Variants in ARID2 observed in about 807,000 individuals in gnomAD.
The protein encoded by ARID2 is AT-rich interaction domain 2.
Under a neutral mutation model 184.6 loss-of-function variants are expected in ARID2, and 32 were observed. The observed-to-expected ratio is 0.17, with a 90% CI of 0.13 to 0.23. The LOEUF is 0.23. Among genes scored for constraint, ARID2 ranks in the 10% least tolerant of loss-of-function variants. The probability of loss-of-function intolerance (pLI) is 1.00; values close to 1 mark genes in which losing one functional copy is unlikely to be tolerated. For missense variants in ARID2, 1,696 were observed against 2,197.6 expected, an observed-to-expected ratio of 0.77 and a Z score of 4.56; for synonymous variants, 836 against 772.6, an observed-to-expected ratio of 1.08 and a Z score of -1.36.
chr12:45,885,371 G>A lies in ARID2; in HGVS notation c.4923-6409G>A, dbSNP rs150292474. On this transcript the variant is annotated intron_variant, in intron 16 of 20. Transcript: ENST00000334344. ...TATAGTCTCACATATACATTTATGT[G>A]CATTTATTAACATTTATGTGCCATC... is the stretch of plus-strand genomic sequence containing the variant. 2.6e-4 allele frequency among the ~76,000 whole-genome samples: 39 copies of A among 151,594 alleles called. No homozygotes were observed. In the East Asian group the frequency reaches 7.2e-3, roughly 28 times the overall value.
At chr12:45,738,265 T>A (rs1941169778) in intron 3 of ARID2, among the ~76,000 whole-genome samples, 1 of 152,242 alleles carries the variant, frequency 6.6e-6, no homozygotes, top group South Asian at 2.1e-4. Flanking sequence ...TTGTTTAATG[T>A]CCACCAGCTT....
intron 2 of ARID2, among the ~76,000 whole-genome samples, chr12:45,730,827 C>A (rs982556026): frequency 5.3e-5 from 8 of 151,542 alleles, no homozygotes; most frequent in Middle Eastern, 3.2e-3. Flanking sequence ...GGCCCCCCCC[C>A]CAACCCGCGG....
At chr12:45,879,221 G>A (rs1944061173) in intron 16 of ARID2, among the ~76,000 whole-genome samples, 1 of 152,078 alleles carries the variant, frequency 6.6e-6, no homozygotes, top group Non-Finnish European at 1.5e-5. Flanking sequence ...TGTGTAAGAC[G>A]AAAAGTCTAG....
At chr12:45,892,574 A>T (rs1944315507) in intron 18 of ARID2, among the ~76,000 whole-genome samples, 1 of 152,192 alleles carries the variant, frequency 6.6e-6, no homozygotes, top group Non-Finnish European at 1.5e-5. Flanking sequence ...GAATTAGCTT[A>T]AAATAATTTA....
chr12:45,904,888 C>G (rs201260099), intron 20 of ARID2, 46 bp from the exon 21 acceptor site: 1 of 1,598,470 alleles, frequency 6.3e-7, no homozygotes, highest in African/African-American at 1.3e-5. Flanking sequence ...AAAGAGTCAT[C>G]GCTGTGACCT....
At chr12:45,877,340 C>T (rs569188103) in intron 16 of ARID2, among the ~76,000 whole-genome samples, 4 of 151,980 alleles carry the variant, frequency 2.6e-5, no homozygotes, top group East Asian at 3.9e-4. Context: ...CTCATAGGAG[C>T]GCAAGCCCTG....
chr12:45,780,579 GTACATT>G (rs1461564323), intron 3 of ARID2, among the ~76,000 whole-genome samples: 4 of 151,966 alleles, frequency 2.6e-5, no homozygotes, highest in African/African-American at 9.7e-5. Context: ...AAACAGCAGA[GTACATT>G]TACATTTTAA....
chr12:45,850,939 A>G lies in ARID2; in HGVS notation c.2816A>G (p.Tyr939Cys). The change falls in exon 15 of 21, where the codon TAT becomes TGT. Residue 939 changes from tyrosine to cysteine, a missense_variant. Tyr to Cys is a radical substitution (Grantham distance 194). This residue lies in a region of ARID2 where 713 missense variants were observed against 824.4 expected (regional missense o/e 0.86). Transcript: ENST00000334344. ...VSQPAQQGQT[Y>C]APAIHQIVLA... ...CAGCCAGCTCAACAAGGTCAAACTT[A>G]TGCACCAGCCATTCACCAAATTGTT... 6.2e-7 allele frequency: 1 copy of G among 1,614,208 alleles called. No homozygotes were observed. Among genetic ancestry groups the G allele is most frequent in the Non-Finnish European group, 8.5e-7 (1 of 1,180,024 alleles).
In ARID2 at chr12:45,891,776, A is replaced by G. The variant is rs375408897; in HGVS notation, c.4923-4A>G. On this transcript the variant is annotated splice_region_variant and splice_polypyrimidine_tract_variant and intron_variant, in intron 16 of 20. Transcript: ENST00000334344. ...CAAGTGTCTACTACTTTTATTTTTT[A>G]TAGGTGGTTTCAGACACCCTCACAG... The G allele has an allele frequency of 6.8e-6, 11 of 1,610,240 alleles. No homozygotes were observed. Among genetic ancestry groups the G allele is most frequent in the African/African-American group, 1.3e-5 (1 of 74,608 alleles).
Position 45,851,173 on chromosome 12 carries a change from A to G in ARID2, c.3050A>G (p.His1017Arg), listed in dbSNP as rs1943541711. Residue 1017 changes from histidine to arginine, a missense_variant, in exon 15 of 21, where the codon CAT becomes CGT. His to Arg is a conservative substitution (Grantham distance 29, BLOSUM62 0). Around this residue, in one of 11 missense-constraint regions of ARID2, gnomAD observed 713 missense variants for 824.4 expected, o/e 0.86. Coordinates refer to ENST00000334344, the MANE Select transcript of ARID2 (RefSeq NM_152641.4). ...LSVKRQQQQQHSPAPPPQQVQ... is the reference protein window; with the variant it reads ...LSVKRQQQQQRSPAPPPQQVQ... The stretch of plus-strand genomic sequence containing the variant: ...GTGAAAAGGCAGCAACAGCAGCAAC[A>G]TTCACCAGCACCCCCACCACAGCAG... 6.2e-7 allele frequency: 1 copy of G among 1,614,084 alleles called. No homozygotes were observed. Among genetic ancestry groups the G allele is most frequent in the Non-Finnish European group, 8.5e-7 (1 of 1,179,994 alleles).
At chr12:45,858,734 C>G (rs1292366538) in intron 15 of ARID2, among the ~76,000 whole-genome samples, 1 of 152,100 alleles carries the variant, frequency 6.6e-6, no homozygotes, top group Non-Finnish European at 1.5e-5. Flanking sequence ...AGTCGGTAGC[C>G]CAAGATCACA....
Position 45,729,910 on chromosome 12 carries a change from A to T in ARID2, c.74A>T (p.Gln25Leu), listed in dbSNP as rs1940941538. The change falls in exon 1 of 21, where the codon CAG becomes CTG. Residue 25 changes from glutamine (Q) to leucine (L), a missense_variant. Gln to Leu is a moderately radical substitution (Grantham distance 113). This residue lies in a region of ARID2 where 54 missense variants were observed against 59.9 expected (regional missense o/e 0.90). Transcript: ENST00000334344. ...CTCGCTTTCCTGGACGAGCTGCGGC[A>T]GTTCCACCACAGCAGAGGGTGAGAG... The part of the protein sequence containing the change: ...KGLAFLDELR[Q>L]FHHSRGSPFK... 1 of 1,610,028 alleles carries T rather than the reference A, an allele frequency of 6.2e-7. No homozygotes were observed. The highest frequency in any genetic ancestry group is 8.5e-7 in the Non-Finnish European group (1 of 1,178,462).
At chr12:45,903,441 T>C (rs1944483800) in intron 20 of ARID2, among the ~76,000 whole-genome samples, 1 of 152,240 alleles carries the variant, frequency 6.6e-6, no homozygotes, top group Non-Finnish European at 1.5e-5. Flanking sequence ...TGACACTCTA[T>C]AGAAATGTAT....
chr12:45,761,793 T>C (rs1356331466), intron 3 of ARID2, among the ~76,000 whole-genome samples: 1 of 152,148 alleles, frequency 6.6e-6, no homozygotes, highest in Non-Finnish European at 1.5e-5. Context: ...TGTCATTTTT[T>C]CAAATTCTTC....
At chr12:45,755,645 A>G (rs1437426560) in intron 3 of ARID2, among the ~76,000 whole-genome samples, 1 of 152,168 alleles carries the variant, frequency 6.6e-6, no homozygotes, top group Non-Finnish European at 1.5e-5. Flanking sequence ...AAAATTTTAG[A>G]TTACATGTAG....
At chr12:45,797,207 C>A (rs761366670) in intron 3 of ARID2, among the ~76,000 whole-genome samples, 3 of 151,804 alleles carry the variant, frequency 2.0e-5, no homozygotes, top group African/African-American at 7.3e-5. Context: ...TATACTTTGC[C>A]TAAGTTTTTA....
intron 15 of ARID2, among the ~76,000 whole-genome samples, chr12:45,858,228 C>T (rs1943684808): frequency 6.6e-6 from 1 of 151,984 alleles, no homozygotes; most frequent in Admixed American, 6.6e-5. Flanking sequence ...TCCTGTTTAT[C>T]TCAACCATAG....
chr12:45,758,967 A>G (rs915416719), intron 3 of ARID2, among the ~76,000 whole-genome samples: 1 of 152,130 alleles, frequency 6.6e-6, no homozygotes, highest in Admixed American at 6.6e-5. Context: ...CATATCAGAT[A>G]TGTCCTGCTG....
intron 3 of ARID2, among the ~76,000 whole-genome samples, chr12:45,792,071 T>C (rs1474760124): frequency 1.3e-5 from 2 of 152,222 alleles, no homozygotes; most frequent in African/African-American, 4.8e-5. Flanking sequence ...ATTTTCTATT[T>C]CATTGATTTC....
Sources: gnomAD v4.1 joint callset for allele counts (sites outside exome capture counted in the v4.1 genomes callset) on GRCh38, gnomAD v4.1.1 for gene constraint, gnomAD v4.1.1 regional missense constraint, MANE v1.5 for transcripts, NCBI Gene and HGNC (gene_info 2026-07-23, HGNC 2026-07-21) for gene names.